PXDNL: variants seen among roughly 807,000 people sequenced by gnomAD.
PXDNL encodes the protein probable oxidoreductase PXDNL.
In PXDNL, 145 loss-of-function variants were observed where a neutral mutation model predicts 150.8. That is an observed-to-expected ratio of 0.96 (90% CI 0.84 to 1.10). The LOEUF is 1.10. Ranked by LOEUF, PXDNL falls within the 50% of genes least tolerant of loss-of-function variation. The pLI is 0.00. For synonymous variants in PXDNL, 757 were observed against 725.7 expected (o/e 1.04, Z -0.69); for missense variants, 2,087 against 1,873.9 (o/e 1.11, Z -2.10).
chr8:51,640,321 C>G (rs542000844), intron 2 of PXDNL, among the ~76,000 whole-genome samples: 58 of 152,240 alleles, frequency 3.8e-4, no homozygotes, highest in African/African-American at 1.3e-3. Flanking sequence ...TCTCACCACT[C>G]CTATTCAACA....
At chr8:51,690,527 C>A (rs1160589340) in intron 1 of PXDNL, among the ~76,000 whole-genome samples, 1 of 152,090 alleles carries the variant, frequency 6.6e-6, no homozygotes, top group Non-Finnish European at 1.5e-5. Flanking sequence ...GCATAGTATT[C>A]CATGGTGTAT....
rs1189671475 is a variant in PXDNL, at chr8:51,637,364, G to A, written c.236+17325C>T. On this transcript the variant is annotated intron_variant, in intron 2 of 22. Coordinates refer to ENST00000356297, the MANE Select transcript of PXDNL (RefSeq NM_144651.5). ...AAGCAGGACAGAGAATGACTTTGAC[G>A]AGTTGAAAGAAGAAGGCTTCAGACG... is the stretch of plus-strand genomic sequence containing the variant. Among the ~76,000 whole-genome samples, 5 of 152,140 alleles carry A rather than the reference G, an allele frequency of 3.3e-5. No homozygotes were observed. The South Asian group carries it at 6.2e-4, about 19-fold the overall frequency.
chr8:51,597,094 T>G (rs187791323), intron 2 of PXDNL, among the ~76,000 whole-genome samples: 1 of 152,200 alleles, frequency 6.6e-6, no homozygotes, highest in African/African-American at 2.4e-5. Context: ...CAGTGAAAGG[T>G]AGGGGTCAAG....
intron 2 of PXDNL, among the ~76,000 whole-genome samples, chr8:51,627,958 G>A (rs1178001885): frequency 6.6e-6 from 1 of 152,164 alleles, no homozygotes; most frequent in Non-Finnish European, 1.5e-5. Context: ...AAGAAAAGCA[G>A]CAGCCATTCC....
At chr8:51,621,717 A>G (rs999479292) in intron 2 of PXDNL, among the ~76,000 whole-genome samples, 6 of 152,084 alleles carry the variant, frequency 3.9e-5, no homozygotes, top group African/African-American at 1.4e-4. Flanking sequence ...AGGTGGGCGG[A>G]TCACTTGAGC....
chr8:51,561,794 T>C (rs539375218), intron 3 of PXDNL, among the ~76,000 whole-genome samples: 1 of 152,040 alleles, frequency 6.6e-6, no homozygotes, highest in South Asian at 2.1e-4. Flanking sequence ...TGGAGATTGA[T>C]TACACCACAA....
intron 1 of PXDNL, among the ~76,000 whole-genome samples, chr8:51,719,049 C>T (rs111616477): frequency 6.6e-5 from 10 of 151,782 alleles, no homozygotes; most frequent in Admixed American, 3.3e-4. Flanking sequence ...GGGGCACCTC[C>T]GCCCGGCCGC....
At chr8:51,623,894 G>A (rs1327044407) in intron 2 of PXDNL, among the ~76,000 whole-genome samples, 6 of 152,028 alleles carry the variant, frequency 3.9e-5, no homozygotes, top group Admixed American at 2.6e-4. Context: ...AGGAGTTGGA[G>A]ACCAGCCTGG....
chr8:51,352,323 A>G (rs1806377338), intron 19 of PXDNL, among the ~76,000 whole-genome samples: 2 of 152,230 alleles, frequency 1.3e-5, no homozygotes, highest in Admixed American at 1.3e-4. Context: ...CAAAAGAGCA[A>G]AAACACGAGA....
intron 1 of PXDNL, among the ~76,000 whole-genome samples, chr8:51,773,284 A>G (rs2037318981): frequency 6.6e-6 from 1 of 152,186 alleles, no homozygotes; most frequent in Non-Finnish European, 1.5e-5. Flanking sequence ...AATCATATTC[A>G]AGGTCAGTGC....
At chr8:51,740,579 TC>T (rs988909312) in intron 1 of PXDNL, among the ~76,000 whole-genome samples, 56 of 152,324 alleles carry the variant, frequency 3.7e-4, no homozygotes, top group African/African-American at 1.3e-3. Flanking sequence ...TCTCTAATGA[TC>T]AGTGATTTGC....
At chr8:51,407,775 C>T (rs1808477158) in intron 17 of PXDNL, among the ~76,000 whole-genome samples, 1 of 152,080 alleles carries the variant, frequency 6.6e-6, no homozygotes, top group Admixed American at 6.5e-5. Flanking sequence ...CTTGGATTAC[C>T]GCAGAACACG....
intron 3 of PXDNL, among the ~76,000 whole-genome samples, chr8:51,592,327 T>C (rs1488435820): frequency 2.0e-5 from 3 of 152,228 alleles, no homozygotes; most frequent in East Asian, 1.9e-4. Context: ...TTTTTTAAAT[T>C]ACTGAGTAAT....
chr8:51,687,226 C>G (rs1450646700), intron 1 of PXDNL, among the ~76,000 whole-genome samples: 1 of 152,098 alleles, frequency 6.6e-6, no homozygotes, highest in African/African-American at 2.4e-5. Flanking sequence ...CCAAACACTC[C>G]TGCTATGAAA....
intron 2 of PXDNL, among the ~76,000 whole-genome samples, chr8:51,626,096 AC>A (rs1398595948): frequency 1.3e-5 from 2 of 152,240 alleles, no homozygotes; most frequent in African/African-American, 4.8e-5. Context: ...TGTGCTAATC[AC>A]CACTATCAAA....
intron 1 of PXDNL, among the ~76,000 whole-genome samples, chr8:51,798,121 C>G (rs2037582099): frequency 6.6e-6 from 1 of 152,120 alleles, no homozygotes; most frequent in African/African-American, 2.4e-5. Context: ...ACTGGCTAGC[C>G]ATATGCAGAA....
chr8:51,645,019 C>T (rs1383226843), intron 2 of PXDNL, among the ~76,000 whole-genome samples: 1 of 151,490 alleles, frequency 6.6e-6, no homozygotes, highest in Non-Finnish European at 1.5e-5. Flanking sequence ...TTGTGGAAGC[C>T]GAGAAGTCCC....
At chr8:51,493,101 A>C (rs2130241852) in intron 5 of PXDNL, among the ~76,000 whole-genome samples, 1 of 152,310 alleles carries the variant, frequency 6.6e-6, no homozygotes, top group African/African-American at 2.4e-5. Flanking sequence ...AGGAACGATC[A>C]GGCAGCAACA....
Position 51,474,972 on chromosome 8 carries a change from G to T in PXDNL, c.694C>A (p.Gln232Lys). 1 of 1,586,878 alleles carries T rather than the reference G, an allele frequency of 6.3e-7. No individual in the cohort carries two copies. Among genetic ancestry groups the T allele is most frequent in the East Asian group, 2.3e-5 (1 of 43,878 alleles). ...ASVTVEEFNCQSPRITFEPQD... is the reference protein window; with the variant it reads ...ASVTVEEFNCKSPRITFEPQD... ...TATGTACACATTGAAATTTACGTACGGCAATTGAATTCCTCTACTGTTACT... is the reference window on the plus strand; with the variant it reads ...TATGTACACATTGAAATTTACGTACTGCAATTGAATTCCTCTACTGTTACT... The change falls in exon 7 of 23, where the codon CAG becomes AAG. Residue 232 changes from glutamine (Q) to lysine (K), a missense_variant and splice_region_variant. Transcript: ENST00000356297.
Sources: allele counts gnomAD v4.1 joint callset (sites outside exome capture counted in the v4.1 genomes callset), GRCh38; gene constraint gnomAD v4.1.1; transcripts MANE v1.5; gene names NCBI Gene and HGNC (gene_info 2026-07-23, HGNC 2026-07-21).